ANGPT4: variants seen among roughly 807,000 people sequenced by gnomAD.
ANGPT4 encodes the protein angiopoietin 4.
A neutral mutation model predicts 53.0 loss-of-function variants in ANGPT4; 50 were observed. That is an observed-to-expected ratio of 0.94 (90% confidence interval 0.75 to 1.20). The LOEUF (loss-of-function observed/expected upper bound fraction) is 1.20, where lower values mean the gene tolerates loss of function less well. Ranked by LOEUF, ANGPT4 falls within the 50% of genes most tolerant of loss-of-function variation. The pLI is 0.00. For synonymous variants in ANGPT4, 251 were observed against 259.7 expected, an observed-to-expected ratio of 0.97 and a Z score of 0.32; for missense variants, 648 against 637.1, an observed-to-expected ratio of 1.02 and a Z score of -0.18.
intron 1 of ANGPT4, among the ~76,000 whole-genome samples, chr20:898,809 G>A (rs1460372081): frequency 6.6e-6 from 1 of 152,200 alleles, no homozygotes; most frequent in African/African-American, 2.4e-5. Flanking sequence ...CCTCCCACAG[G>A]ATCTTGCTTC....
At chr20:875,535 A>T (rs1000500710) in intron 7 of ANGPT4, among the ~76,000 whole-genome samples, 1 of 152,194 alleles carries the variant, frequency 6.6e-6, no homozygotes, top group African/African-American at 2.4e-5. Context: ...TACCACTTAG[A>T]GCTGCATGGC....
chr20:912,643 G>A (rs554119512), intron 1 of ANGPT4, among the ~76,000 whole-genome samples: 2 of 152,256 alleles, frequency 1.3e-5, no homozygotes, highest in South Asian at 4.1e-4. Flanking sequence ...GGGGAGAGCA[G>A]GGAGAAGAAA....
intron 1 of ANGPT4, among the ~76,000 whole-genome samples, chr20:899,670 T>G (rs1300324383): frequency 2.0e-5 from 3 of 152,130 alleles, no homozygotes; most frequent in African/African-American, 7.2e-5. Flanking sequence ...ATCTTCGCCT[T>G]ATCAACCAAA....
intron 1 of ANGPT4, among the ~76,000 whole-genome samples, chr20:891,490 G>C (rs1043071132): frequency 6.6e-6 from 1 of 152,224 alleles, no homozygotes; most frequent in Non-Finnish European, 1.5e-5. Flanking sequence ...CTCGGTGCCT[G>C]CAGGCAGAGA....
intron 6 of ANGPT4, among the ~76,000 whole-genome samples, chr20:878,791 T>C (rs1981274574): frequency 6.6e-6 from 1 of 152,196 alleles, no homozygotes; most frequent in African/African-American, 2.4e-5. Flanking sequence ...TTAAATAAAA[T>C]ATTTCAATCA....
chr20:878,208 A>G lies in ANGPT4; in HGVS notation c.1173T>C (p.Tyr391=), dbSNP rs1223009506. 1.9e-6 allele frequency: 3 copies of G among 1,611,940 alleles called. No homozygotes were observed. The African/African-American group carries it at 4.0e-5, about 22-fold the overall frequency. ...CCAGGTGGAAATGTTCGTACTGGGC[A>G]TAGGCCTCGTGGCCTTCCCAGTCTT... ...ELQDWEGHEA[Y]AQYEHFHLGS... The change falls in exon 7 of 9, where the codon TAT becomes TAC. Residue 391 remains tyrosine, a synonymous_variant. Transcript: ENST00000381922.
At position 874,538 on chromosome 20, in the gene ANGPT4, G is replaced by A. The variant is rs1981085433; in HGVS notation, c.1221-124C>T. On this transcript the variant is annotated intron_variant, in intron 7 of 8. Coordinates refer to ENST00000381922, the MANE Select transcript of ANGPT4 (RefSeq NM_015985.4). ...CTTCCCCTCCAGGTGTTCTTGGAGG[G>A]ACAGCCCCAGCCTGGGTGGAGTGCT... The A allele has an allele frequency of 3.7e-6, 5 of 1,349,998 alleles. No individual in the cohort carries two copies. The African/African-American group carries it at 4.4e-5, about 12-fold the overall frequency. 83.6% of individuals were successfully genotyped at this position (1,349,998 alleles called of 1,614,324 possible).
At chr20:874,832 T>A (rs112136092) in intron 7 of ANGPT4, among the ~76,000 whole-genome samples, 1 of 151,962 alleles carries the variant, frequency 6.6e-6, no homozygotes, top group Non-Finnish European at 1.5e-5. Context: ...CCCACCTCAG[T>A]CTCCTGAGTA....
intron 4 of ANGPT4, among the ~76,000 whole-genome samples, chr20:884,762 A>G (rs886859997): frequency 6.6e-6 from 1 of 152,074 alleles, no homozygotes; most frequent in African/African-American, 2.4e-5. Flanking sequence ...TGGAGAATGA[A>G]TCCTGGAGAC....
At chr20:873,940 C>T (rs940141490) in intron 8 of ANGPT4, among the ~76,000 whole-genome samples, 1 of 152,208 alleles carries the variant, frequency 6.6e-6, no homozygotes, top group Non-Finnish European at 1.5e-5. Context: ...CCTCTGCCTC[C>T]CTCTGGTCTC....
chr20:901,756 C>T (rs538798294), intron 1 of ANGPT4, among the ~76,000 whole-genome samples: 1 of 152,208 alleles, frequency 6.6e-6, no homozygotes, highest in East Asian at 1.9e-4. Context: ...CTACTAAAAT[C>T]AGAACAAAAT....
Position 911,413 on chromosome 20 carries a change from T to C in ANGPT4, c.309+4493A>G, listed in dbSNP as rs555830518. Among the ~76,000 whole-genome samples the C allele has an allele frequency of 2.6e-5, 4 of 152,246 alleles. No homozygotes were observed. The highest frequency in any genetic ancestry group is 2.0e-4 in the Admixed American group (3 of 15,302). ...TGAGCAGCCAGCTGCAGGGTGGGCA[T>C]TGGTCATTTGGCAGATGTGCCCTGG... is the stretch of plus-strand genomic sequence containing the variant. On this transcript the variant is annotated intron_variant, in intron 1 of 8. Transcript: ENST00000381922. This position sits in a 1 kb window ranked among gnomAD's most constrained non-coding sequence, Gnocchi z 4.9.
At chr20:882,604 G>A (rs1342475676) in intron 4 of ANGPT4, among the ~76,000 whole-genome samples, 1 of 152,124 alleles carries the variant, frequency 6.6e-6, no homozygotes, top group East Asian at 1.9e-4. Flanking sequence ...TGCCCCACCT[G>A]TTGGCACCCC....
chr20:915,482 C>T (rs1196450356), intron 1 of ANGPT4, among the ~76,000 whole-genome samples: 2 of 152,234 alleles, frequency 1.3e-5, no homozygotes, highest in African/African-American at 4.8e-5. Context: ...GAGAAGTACT[C>T]TCTAATGATC....
chr20:897,437 A>G (rs373010897), intron 1 of ANGPT4, among the ~76,000 whole-genome samples: 129 of 152,306 alleles, frequency 8.5e-4, no homozygotes, highest in African/African-American at 2.8e-3. Flanking sequence ...CTGTCCTTCC[A>G]ATTCGGGTTC....
rs543317073 is a variant in ANGPT4 at position 909,626 on chromosome 20, A to G, written c.309+6280T>C. 5.9e-4 allele frequency among the ~76,000 whole-genome samples: 90 copies of G among 152,254 alleles called. 1 individual carries two copies. The South Asian group carries it at 0.017, about 29-fold the overall frequency. ...CCCCACATGTGCATTGCCTCATTTA[A>G]TCTCCTCAATAACCTGCAAAGTAGC... On this transcript the variant is annotated intron_variant, in intron 1 of 8. Coordinates refer to ENST00000381922, the MANE Select transcript of ANGPT4 (RefSeq NM_015985.4).
At chr20:903,438 G>C (rs1568853141) in intron 1 of ANGPT4, among the ~76,000 whole-genome samples, 1 of 152,058 alleles carries the variant, frequency 6.6e-6, no homozygotes, top group African/African-American at 2.4e-5. Context: ...TCTCTAGCAG[G>C]GATCAAAGCT....
chr20:873,098 G>A lies in ANGPT4; in HGVS notation c.1374C>T (p.Gly458=), dbSNP rs772361937. The A allele has an allele frequency of 8.7e-6, 14 of 1,613,704 alleles. No individual in the cohort carries two copies. Among genetic ancestry groups the A allele is most frequent in the South Asian group, 5.5e-5 (5 of 91,082 alleles). ...AGTAGACGCCGTTGAGGTTTGACAG[G>A]CCACAGGCGTCAAACCACCACCCTG... ...MSGGWWFDAC[G]LSNLNGVYYH... Residue 458 remains glycine, a synonymous_variant, in exon 9 of 9, where the codon GGC becomes GGT. Transcript: ENST00000381922.
At chr20:903,740 G>A (rs995527081) in intron 1 of ANGPT4, among the ~76,000 whole-genome samples, 6 of 152,362 alleles carry the variant, frequency 3.9e-5, no homozygotes, top group Admixed American at 2.0e-4. Flanking sequence ...GTCCTAGGCT[G>A]AACCAAAGCC....
Sources: allele counts gnomAD v4.1 joint callset (sites outside exome capture counted in the v4.1 genomes callset), GRCh38; gene constraint gnomAD v4.1.1; non-coding constraint Gnocchi (gnomAD v3.1); transcripts MANE v1.5; gene names NCBI Gene and HGNC (gene_info 2026-07-23, HGNC 2026-07-21).